DOCK4: variants seen among roughly 807,000 people sequenced by gnomAD.
The protein encoded by DOCK4 is dedicator of cytokinesis protein 4.
In DOCK4, 97 loss-of-function variants were observed where a neutral mutation model predicts 268.1. That is an observed-to-expected ratio of 0.36 (90% confidence interval 0.31 to 0.43). DOCK4 has a LOEUF of 0.43. Ranked by LOEUF, DOCK4 falls within the 20% of genes least tolerant of loss-of-function variation. The probability of loss-of-function intolerance (pLI) is 1.00; values close to 1 mark genes in which losing one functional copy is unlikely to be tolerated. For missense variants in DOCK4, 2,145 were observed against 2,455.7 expected (o/e 0.87, Z 2.67); for synonymous variants, 954 against 887.2 (o/e 1.08, Z -1.34).
chr7:111,842,618 G>A (rs1315683130), intron 25 of DOCK4, among the ~76,000 whole-genome samples: 2 of 152,176 alleles, frequency 1.3e-5, no homozygotes, highest in African/African-American at 4.8e-5. Context: ...GTCAGTGTTG[G>A]TGAAAACAAT....
chr7:112,073,787 T>A (rs1807818203), intron 1 of DOCK4, among the ~76,000 whole-genome samples: 1 of 152,042 alleles, frequency 6.6e-6, no homozygotes, highest in African/African-American at 2.4e-5. Context: ...CTGGGAGAAG[T>A]TGGTTAACAG....
chr7:112,145,822 G>GA lies in DOCK4; in HGVS notation c.37+60279dup, dbSNP rs59721404. Reference sequence around the variant, plus strand: ...AGTCACAGAACTTAGTTACTTGGAAGAAAAAAAAAAATGGGGCACTGGGTG... The same window carrying GA: ...AGTCACAGAACTTAGTTACTTGGAAGAAAAAAAAAAAATGGGGCACTGGGTG... On this transcript the variant is annotated intron_variant, in intron 1 of 52. Transcript: ENST00000428084. Among the ~76,000 whole-genome samples, 613 of 148,464 alleles carry GA rather than the reference G, an allele frequency of 4.1e-3. 2 individuals carry two copies. The highest frequency in any genetic ancestry group is 0.017 in the Middle Eastern group (5 of 288).
At chr7:111,941,188 A>T (rs1463451422) in intron 10 of DOCK4, among the ~76,000 whole-genome samples, 1 of 152,248 alleles carries the variant, frequency 6.6e-6, no homozygotes, top group Non-Finnish European at 1.5e-5. Flanking sequence ...TTAGAATCAA[A>T]CTAAAAAATG....
intron 25 of DOCK4, among the ~76,000 whole-genome samples, chr7:111,838,603 GTAC>G (rs2134048025): frequency 6.6e-6 from 1 of 152,220 alleles, no homozygotes; most frequent in African/African-American, 2.4e-5. Flanking sequence ...TAATAGCTAT[GTAC>G]TACATGATTC....
intron 1 of DOCK4, among the ~76,000 whole-genome samples, chr7:112,178,033 A>G (rs867905488): frequency 6.6e-6 from 1 of 152,240 alleles, no homozygotes; most frequent in Non-Finnish European, 1.5e-5. Context: ...AACAAATTGT[A>G]TTAAGTACCC....
intron 1 of DOCK4, among the ~76,000 whole-genome samples, chr7:112,018,512 C>T (rs1427204349): frequency 6.6e-6 from 1 of 152,176 alleles, no homozygotes; most frequent in Non-Finnish European, 1.5e-5. Flanking sequence ...CTCTCTTCTT[C>T]TGCTCTTCCA....
chr7:111,895,121 CTT>C (rs1278784682), intron 16 of DOCK4, among the ~76,000 whole-genome samples: 1 of 152,148 alleles, frequency 6.6e-6, no homozygotes, highest in Non-Finnish European at 1.5e-5. Context: ...CTACAATACA[CTT>C]TGTTCCAAAT....
chr7:111,811,162 A>G (rs1801101809), intron 28 of DOCK4, among the ~76,000 whole-genome samples: 1 of 152,200 alleles, frequency 6.6e-6, no homozygotes. Flanking sequence ...GACATAGACA[A>G]ATATTATGTA....
At chr7:111,974,451 C>T (rs747067591) in intron 8 of DOCK4, among the ~76,000 whole-genome samples, 3 of 149,574 alleles carry the variant, frequency 2.0e-5, no homozygotes, top group Non-Finnish European at 3.0e-5. Flanking sequence ...GACTTGATTT[C>T]TCCGAGGATC....
intron 30 of DOCK4, among the ~76,000 whole-genome samples, chr7:111,800,389 C>T (rs971428470): frequency 6.6e-6 from 1 of 152,148 alleles, no homozygotes; most frequent in Admixed American, 6.6e-5. Context: ...ATATCTCTCC[C>T]GATCATATTG....
chr7:111,884,656 A>T (rs752933978), intron 16 of DOCK4, among the ~76,000 whole-genome samples: 44 of 152,186 alleles, frequency 2.9e-4, no homozygotes, highest in Non-Finnish European at 5.7e-4. Flanking sequence ...TCTTATAATG[A>T]AATGGCTAGT....
In DOCK4 at chr7:111,900,026, G is replaced by C. The variant is rs530971420; in HGVS notation, c.1480+348C>G. On this transcript the variant is annotated intron_variant, in intron 15 of 52. Transcript: ENST00000428084. ...TGATTCTCATCTGAATACTGTCTGA[G>C]AGAGTACAGTGATGCAGATACACAC... is the stretch of plus-strand genomic sequence containing the variant. 7.3e-4 allele frequency among the ~76,000 whole-genome samples: 111 copies of C among 152,230 alleles called. 1 individual carries two copies. The highest frequency in any genetic ancestry group is 1.5e-3 in the Non-Finnish European group (99 of 68,038).
chr7:112,117,513 C>T (rs529100892), intron 1 of DOCK4, among the ~76,000 whole-genome samples: 1 of 152,096 alleles, frequency 6.6e-6, no homozygotes, highest in East Asian at 1.9e-4. Flanking sequence ...TGGGATTAAA[C>T]GTGCCAGCCA....
At chr7:111,783,021 A>C in intron 34 of DOCK4, 97 bp from the exon 35 acceptor site, 2 of 1,112,828 alleles carry the variant, frequency 1.8e-6, no homozygotes, top group East Asian at 2.5e-5. Context: ...AAAGAAAGAA[A>C]AAAAAAAAAA....
chr7:111,935,690 A>G (rs968432868), intron 11 of DOCK4, 62 bp from the exon 12 acceptor site: 71 of 1,401,534 alleles, frequency 5.1e-5, no homozygotes, highest in Non-Finnish European at 6.6e-5. Flanking sequence ...AGTGATCCTC[A>G]TAGTACATCT....
intron 47 of DOCK4, chr7:111,739,989 C>T (rs1795792016): frequency 3.4e-6 from 1 of 295,076 alleles, no homozygotes; most frequent in Non-Finnish European, 6.9e-6. Flanking sequence ...GTTATACTGG[C>T]TCTAAAATCC....
At chr7:111,823,186 T>C in intron 26 of DOCK4, among the ~76,000 whole-genome samples, 1 of 149,456 alleles carries the variant, frequency 6.7e-6, no homozygotes, top group East Asian at 2.0e-4. Flanking sequence ...GAAGCTATCA[T>C]CAGACATGGA....
Position 111,747,253 on chromosome 7 carries a change from T to C in DOCK4, c.4593+14A>G. On this transcript the variant is annotated intron_variant, in intron 43 of 52. Coordinates refer to ENST00000428084, the MANE Select transcript of DOCK4 (RefSeq NM_001363540.2). Reference sequence around the variant, plus strand: ...TTGAAAACTTTCTCTGAAACAACAATACCTAATCCTTACCTCTTGATACCT... The same window carrying C: ...TTGAAAACTTTCTCTGAAACAACAACACCTAATCCTTACCTCTTGATACCT... The C allele has an allele frequency of 6.2e-7, 1 of 1,602,606 alleles. No individual in the cohort carries two copies. The highest frequency in any genetic ancestry group is 8.5e-7 in the Non-Finnish European group (1 of 1,175,124).
chr7:112,201,176 T>TTC (rs1820903612), intron 1 of DOCK4, among the ~76,000 whole-genome samples: 2 of 152,168 alleles, frequency 1.3e-5, no homozygotes, highest in African/African-American at 4.8e-5. Flanking sequence ...TAAAGCATCT[T>TTC]TCTAAGGAGA....
Sources: allele counts gnomAD v4.1 joint callset (sites outside exome capture counted in the v4.1 genomes callset), GRCh38; gene constraint gnomAD v4.1.1; transcripts MANE v1.5; gene names NCBI Gene and HGNC (gene_info 2026-07-23, HGNC 2026-07-21).